KIF16B: variants seen among roughly 807,000 people sequenced by gnomAD.
KIF16B encodes kinesin family member 16B, also known as kinesin-like protein KIF16B.
A neutral mutation model predicts 156.3 loss-of-function variants in KIF16B; 98 were observed. The ratio of observed to expected loss-of-function variants is 0.63; its 90% confidence interval spans 0.53 to 0.74. The LOEUF is 0.74. KIF16B is among the 30% of genes least tolerant of loss of function. KIF16B has a pLI of 0.00. For missense variants in KIF16B, 1,421 were observed against 1,606.5 expected (o/e 0.88, Z 1.97); for synonymous variants, 564 against 583.7 (o/e 0.97, Z 0.49).
chr20:16,376,326 G>A (rs1248537135), intron 19 of KIF16B, among the ~76,000 whole-genome samples: 2 of 152,168 alleles, frequency 1.3e-5, no homozygotes, highest in African/African-American at 4.8e-5. Context: ...TAGGAAAAAA[G>A]GCAGGAAAAT....
At chr20:16,377,309 C>T (rs910149356) in intron 19 of KIF16B, among the ~76,000 whole-genome samples, 6 of 152,042 alleles carry the variant, frequency 3.9e-5, no homozygotes, top group East Asian at 3.9e-4. Context: ...ACTATAATCC[C>T]GGCACTTTAG....
intron 15 of KIF16B, among the ~76,000 whole-genome samples, chr20:16,411,759 A>AG (rs1367985910): frequency 2.8e-5 from 4 of 141,906 alleles, no homozygotes; most frequent in East Asian, 1.9e-4. Context: ...GAAGGGGACT[A>AG]GGGGGGCCTC....
At chr20:16,376,143 A>T (rs2064945310) in intron 19 of KIF16B, among the ~76,000 whole-genome samples, 1 of 152,218 alleles carries the variant, frequency 6.6e-6, no homozygotes, top group Non-Finnish European at 1.5e-5. Context: ...GTTATTCTTC[A>T]TGGTTTTCAT....
chr20:16,288,603 T>C (rs1031103406), intron 25 of KIF16B, among the ~76,000 whole-genome samples: 15 of 148,696 alleles, frequency 1.0e-4, no homozygotes, highest in Admixed American at 2.0e-4. Context: ...GATCCCATCA[T>C]AAGTGGAAGA....
intron 24 of KIF16B, among the ~76,000 whole-genome samples, chr20:16,326,666 A>T (rs2063855701): frequency 6.6e-6 from 1 of 152,066 alleles, no homozygotes. Context: ...AAAAATCAAA[A>T]AAATAAAAGA....
At chr20:16,557,041 T>C (rs1346060275) in intron 1 of KIF16B, among the ~76,000 whole-genome samples, 4 of 151,666 alleles carry the variant, frequency 2.6e-5, no homozygotes, top group Admixed American at 2.6e-4. Context: ...TCATGCCAGA[T>C]TTTAAAGATG....
chr20:16,394,470 A>G (rs865908261), intron 17 of KIF16B, among the ~76,000 whole-genome samples: 1 of 152,230 alleles, frequency 6.6e-6, no homozygotes, highest in African/African-American at 2.4e-5. Flanking sequence ...TTAACAAGCT[A>G]TTTAAGGCAA....
chr20:16,273,507 A>G, intron 25 of KIF16B, 96 bp from the exon 26 acceptor site: 2 of 933,226 alleles, frequency 2.1e-6, no homozygotes, highest in Middle Eastern at 2.5e-4. Context: ...TCCAGGCAAC[A>G]TGGAGAAACC....
rs573600582 is a variant in KIF16B at position 16,464,789 on chromosome 20, G to A, written c.1302+29502C>T. Among the ~76,000 whole-genome samples, 408 of 152,212 alleles carry A rather than the reference G, an allele frequency of 2.7e-3. 1 individual carries two copies. The highest frequency in any genetic ancestry group is 9.4e-3 in the African/African-American group (389 of 41,544). ...AATGTCTTGAACTCTGAATTTCTTT[G>A]TTTACTCTTTCATACTTGCATCCCA... On this transcript the variant is annotated intron_variant, in intron 12 of 25. Coordinates refer to ENST00000354981, the MANE Select transcript of KIF16B (RefSeq NM_024704.5).
chr20:16,395,846 G>GA (rs1182633840), intron 17 of KIF16B, among the ~76,000 whole-genome samples: 1 of 151,868 alleles, frequency 6.6e-6, no homozygotes, highest in Non-Finnish European at 1.5e-5. Context: ...TTTTCAGCTT[G>GA]AAAAAATAAA....
intron 3 of KIF16B, among the ~76,000 whole-genome samples, chr20:16,519,683 C>T (rs1023731810): frequency 6.6e-6 from 1 of 152,366 alleles, no homozygotes; most frequent in African/African-American, 2.4e-5. Context: ...GGTGCATGGA[C>T]ACATTTCAAA....
At chr20:16,518,946 G>A (rs1483052587) in intron 3 of KIF16B, among the ~76,000 whole-genome samples, 5 of 151,852 alleles carry the variant, frequency 3.3e-5, no homozygotes, top group Non-Finnish European at 5.9e-5. Context: ...ACTCCTTCTC[G>A]TCCACATCCT....
At chr20:16,558,370 T>C (rs2070931234) in intron 1 of KIF16B, among the ~76,000 whole-genome samples, 1 of 152,176 alleles carries the variant, frequency 6.6e-6, no homozygotes, top group Non-Finnish European at 1.5e-5. Context: ...TTCTCACCAA[T>C]GAAGGGTGAG....
At chr20:16,297,430 C>T (rs2063404274) in intron 25 of KIF16B, among the ~76,000 whole-genome samples, 1 of 152,216 alleles carries the variant, frequency 6.6e-6, no homozygotes. Flanking sequence ...TGGTGGCTCA[C>T]GCCTGTAATC....
intron 7 of KIF16B, among the ~76,000 whole-genome samples, chr20:16,507,378 G>A (rs1186771404): frequency 1.3e-5 from 2 of 152,092 alleles, no homozygotes; most frequent in African/African-American, 4.8e-5. Flanking sequence ...CTTAGACCCT[G>A]ACAGGACCCT....
intron 22 of KIF16B, among the ~76,000 whole-genome samples, chr20:16,357,132 C>T (rs1359501854): frequency 6.6e-6 from 1 of 152,146 alleles, no homozygotes; most frequent in Admixed American, 6.6e-5. Flanking sequence ...CGGAAGAAAT[C>T]TCTGAACAAT....
At position 16,536,532 on chromosome 20, in the gene KIF16B, G is replaced by T. The variant is rs566466061; in HGVS notation, c.48-8092C>A. The stretch of plus-strand genomic sequence containing the variant: ...ACATAGAAATGATACTCCAGTGATG[G>T]ATATCCCAAATACTTTATTACATAT... On this transcript the variant is annotated intron_variant, in intron 1 of 25. Coordinates refer to ENST00000354981, the MANE Select transcript of KIF16B (RefSeq NM_024704.5). Among the ~76,000 whole-genome samples, 19 of 152,188 alleles carry T rather than the reference G, an allele frequency of 1.2e-4. No individual in the cohort carries two copies. In the South Asian group the frequency reaches 3.9e-3, roughly 32 times the overall value.
At chr20:16,295,456 T>G (rs2063371430) in intron 25 of KIF16B, among the ~76,000 whole-genome samples, 2 of 151,404 alleles carry the variant, frequency 1.3e-5, no homozygotes, top group African/African-American at 4.8e-5. Flanking sequence ...ATAGCTATAA[T>G]CCATATTAGT....
chr20:16,316,030 T>G (rs1271811356), intron 24 of KIF16B, among the ~76,000 whole-genome samples: 1 of 152,216 alleles, frequency 6.6e-6, no homozygotes, highest in African/African-American at 2.4e-5. Context: ...TCTGATATAG[T>G]AGAAACCACC....
Sources: gnomAD v4.1 joint callset for allele counts (sites outside exome capture counted in the v4.1 genomes callset) on GRCh38, gnomAD v4.1.1 for gene constraint, MANE v1.5 for transcripts, NCBI Gene and HGNC (gene_info 2026-07-23, HGNC 2026-07-21) for gene names.